Variants in CHN2 observed in about 807,000 individuals in gnomAD.
The protein encoded by CHN2 is chimerin 2, also known as beta-chimaerin.
CHN2 carries 35 observed loss-of-function variants against 56.3 expected under a neutral mutation model. The observed-to-expected ratio is 0.62, with a 90% CI of 0.47 to 0.82. The LOEUF (loss-of-function observed/expected upper bound fraction) is 0.82, where lower values mean the gene tolerates loss of function less well. Ranked by LOEUF, CHN2 falls within the 40% of genes least tolerant of loss-of-function variation. CHN2 has a pLI of 0.00. For missense variants in CHN2, 491 were observed against 580.5 expected, an observed-to-expected ratio of 0.85 and a Z score of 1.58; for synonymous variants, 210 against 212.8, an observed-to-expected ratio of 0.99 and a Z score of 0.12.
intron 3 of CHN2, among the ~76,000 whole-genome samples, chr7:29,383,640 A>G (rs537880224): frequency 6.6e-6 from 1 of 152,356 alleles, no homozygotes; most frequent in East Asian, 1.9e-4. Context: ...TAAAATATAT[A>G]GTATATCAGA....
chr7:29,511,303 GTGCAAGTAA>G (rs1281348504), intron 12 of CHN2, among the ~76,000 whole-genome samples: 1 of 144,854 alleles, frequency 6.9e-6, no homozygotes, highest in Non-Finnish European at 1.5e-5. Context: ...GAATTTAGGA[GTGCAAGTAA>G]TTTTTAGATA....
chr7:29,162,504 A>T (rs569728474), intron 2 of CHN2, among the ~76,000 whole-genome samples: 1 of 152,226 alleles, frequency 6.6e-6, no homozygotes, highest in South Asian at 2.1e-4. Context: ...TCTACTAAAA[A>T]TACAAAATTA....
At chr7:29,501,511 A>C (rs1789963759) in intron 9 of CHN2, among the ~76,000 whole-genome samples, 1 of 152,168 alleles carries the variant, frequency 6.6e-6, no homozygotes. Flanking sequence ...ATCCTTACCA[A>C]AGACAACTGA....
chr7:29,238,111 G>A (rs1392835923), intron 1 of CHN2, among the ~76,000 whole-genome samples: 2 of 144,746 alleles, frequency 1.4e-5, no homozygotes, highest in African/African-American at 5.1e-5. Context: ...TCCACCTCCC[G>A]GGTTCAAGCG....
chr7:29,471,170 G>A (rs1007599168), intron 6 of CHN2, among the ~76,000 whole-genome samples: 6 of 152,134 alleles, frequency 3.9e-5, no homozygotes, highest in Non-Finnish European at 7.3e-5. Flanking sequence ...TTTAAAGTTC[G>A]TATTTAAGGA....
intron 1 of CHN2, among the ~76,000 whole-genome samples, chr7:29,292,605 A>T (rs1278293282): frequency 6.6e-6 from 1 of 152,226 alleles, no homozygotes. Context: ...CACTGGCATC[A>T]CTTATTGATA....
intron 1 of CHN2, among the ~76,000 whole-genome samples, chr7:29,351,619 C>T (rs73305020): frequency 0.1 from 15,737 of 152,200 alleles, 1,637 homozygotes; most frequent in African/African-American, 0.26. Flanking sequence ...GCCAGTGAGC[C>T]ATGCAGCGAT....
At chr7:29,438,914 A>G (rs977464659) in intron 6 of CHN2, among the ~76,000 whole-genome samples, 8 of 152,218 alleles carry the variant, frequency 5.3e-5, no homozygotes, top group Admixed American at 1.3e-4. Context: ...ATTCCTCTTC[A>G]AACATTGGAG....
chr7:29,248,112 T>A (rs1788213953), intron 1 of CHN2, among the ~76,000 whole-genome samples: 1 of 152,118 alleles, frequency 6.6e-6, no homozygotes, highest in Admixed American at 6.5e-5. Context: ...AGCACAGACA[T>A]TAGATGTGAT....
In CHN2 at chr7:29,194,884, AGCG is replaced by A. The variant is rs944512927; in HGVS notation, c.-48_-46del. On this transcript the variant is annotated 5_prime_UTR_variant, in exon 1 of 13. Coordinates refer to ENST00000222792, the MANE Select transcript of CHN2 (RefSeq NM_004067.4). ...AGGCTGCGAGCGGCCGGGCGAGGGCAGCGGCGGCGGCGTCCGCACCGGGGCTGA... is the reference window on the plus strand; with the variant it reads ...AGGCTGCGAGCGGCCGGGCGAGGGCAGCGGCGGCGTCCGCACCGGGGCTGA... 6 of 1,387,296 alleles carry A rather than the reference AGCG, an allele frequency of 4.3e-6. No individual in the cohort carries two copies. The highest frequency in any genetic ancestry group is 1.5e-5 in the African/African-American group (1 of 65,958). 85.9% of individuals were successfully genotyped at this position (1,387,296 alleles called of 1,614,324 possible). A position where few individuals can be genotyped will look rare whatever the true frequency, so the allele number is the denominator to read the frequency against.
intron 1 of CHN2, among the ~76,000 whole-genome samples, chr7:29,274,042 T>C (rs1355729744): frequency 6.6e-6 from 1 of 152,210 alleles, no homozygotes; most frequent in Non-Finnish European, 1.5e-5. Context: ...GGCCATCTTG[T>C]ATGATGACAT....
Position 29,500,012 on chromosome 7 carries a change from CAT to C in CHN2, c.888_889del (p.Ile296MetfsTer6). 6.4e-7 allele frequency: 1 copy of C among 1,559,946 alleles called. No homozygotes were observed. Among genetic ancestry groups the C allele is most frequent in the Non-Finnish European group, 8.7e-7 (1 of 1,152,600 alleles). On this transcript the variant is annotated frameshift_variant, in exon 9 of 13. Transcript: ENST00000222792. LOFTEE classifies it high-confidence loss of function. ...HNTQRPMVVD[I>X]CIREIEARGL... The stretch of plus-strand genomic sequence containing the variant: ...ACACTCAGAGACCCATGGTGGTAGA[CAT>C]ATGCATTCGGGAAATTGAAGCAAGA...
chr7:29,293,066 A>C, intron 1 of CHN2: 1 of 454,680 alleles, frequency 2.2e-6, no homozygotes, highest in South Asian at 1.6e-5. Flanking sequence ...CCCCGCTTCC[A>C]TTGCAAAGAC....
chr7:29,290,357 G>A (rs1475205881), intron 1 of CHN2, among the ~76,000 whole-genome samples: 2 of 152,198 alleles, frequency 1.3e-5, no homozygotes, highest in Non-Finnish European at 2.9e-5. Context: ...TCTGTTCCTT[G>A]TGGTTCTGTG....
At chr7:29,303,953 G>A (rs1240836244) in intron 1 of CHN2, among the ~76,000 whole-genome samples, 2 of 152,040 alleles carry the variant, frequency 1.3e-5, no homozygotes, top group African/African-American at 4.8e-5. Flanking sequence ...TCAGCTACTC[G>A]AGAGGCTGAG....
At chr7:29,492,659 C>G (rs891840188) in intron 7 of CHN2, among the ~76,000 whole-genome samples, 4 of 152,220 alleles carry the variant, frequency 2.6e-5, no homozygotes, top group Non-Finnish European at 5.9e-5. Flanking sequence ...GAGCTATCCT[C>G]TGTCTCTGTT....
At chr7:29,294,990 G>T (rs1313512152) in intron 1 of CHN2, among the ~76,000 whole-genome samples, 1 of 151,990 alleles carries the variant, frequency 6.6e-6, no homozygotes, top group African/African-American at 2.4e-5. Flanking sequence ...TGGTTCCCTG[G>T]ACCCCCCACA....
At chr7:29,247,075 G>A (rs200615772) in intron 1 of CHN2, among the ~76,000 whole-genome samples, 1 of 152,152 alleles carries the variant, frequency 6.6e-6, no homozygotes, top group East Asian at 1.9e-4. Context: ...GGGAGTGTCA[G>A]AGTATTTCAT....
chr7:29,334,907 G>A (rs1796499915), intron 1 of CHN2, among the ~76,000 whole-genome samples: 1 of 152,230 alleles, frequency 6.6e-6, no homozygotes, highest in African/African-American at 2.4e-5. Context: ...AGATGTGCAG[G>A]AGTGTATTTG....
Sources: gnomAD v4.1 joint callset for allele counts (sites outside exome capture counted in the v4.1 genomes callset) on GRCh38, gnomAD v4.1.1 for gene constraint, MANE v1.5 for transcripts, NCBI Gene and HGNC (gene_info 2026-07-23, HGNC 2026-07-21) for gene names.